SLC2A10: variants seen among roughly 807,000 people sequenced by gnomAD.
The protein encoded by SLC2A10 is solute carrier family 2, facilitated glucose transporter member 10.
A neutral mutation model predicts 32.1 loss-of-function variants in SLC2A10; 25 were observed. That is an observed-to-expected ratio of 0.78 (90% confidence interval 0.57 to 1.09). The LOEUF is 1.09. Ranked by LOEUF, SLC2A10 falls within the 50% of genes least tolerant of loss-of-function variation. SLC2A10 has a pLI of 0.00. For synonymous variants in SLC2A10, 332 were observed against 309.6 expected, an observed-to-expected ratio of 1.07 and a Z score of -0.76; for missense variants, 673 against 686.5, an observed-to-expected ratio of 0.98 and a Z score of 0.22.
intron 4 of SLC2A10, among the ~76,000 whole-genome samples, chr20:46,730,605 GAAC>G (rs775440810): frequency 2.0e-5 from 3 of 152,204 alleles, no homozygotes; most frequent in African/African-American, 4.8e-5. Flanking sequence ...CATGTGCAAG[GAAC>G]AACAAGGAAG....
At chr20:46,731,894 TC>T (rs1355861654) in intron 4 of SLC2A10, among the ~76,000 whole-genome samples, 3 of 152,186 alleles carry the variant, frequency 2.0e-5, no homozygotes, top group African/African-American at 7.2e-5. Flanking sequence ...AGAGCCATGG[TC>T]CCAGGAGAAA....
chr20:46,727,968 G>A (rs894606042), intron 3 of SLC2A10, among the ~76,000 whole-genome samples: 1 of 152,104 alleles, frequency 6.6e-6, no homozygotes, highest in African/African-American at 2.4e-5. Flanking sequence ...CCCCTATCAT[G>A]GCTGTCTTCC....
chr20:46,719,126 G>C (rs1270063526), intron 1 of SLC2A10, among the ~76,000 whole-genome samples: 1 of 151,992 alleles, frequency 6.6e-6, no homozygotes, highest in Non-Finnish European at 1.5e-5. Context: ...TGGGCGGAGG[G>C]GGGTGTTGTT....
intron 1 of SLC2A10, among the ~76,000 whole-genome samples, chr20:46,712,213 C>T (rs765544054): frequency 4.6e-5 from 7 of 152,154 alleles, no homozygotes; most frequent in East Asian, 1.9e-4. Flanking sequence ...ATTTGGAAGC[C>T]GGCCATCTGC....
intron 1 of SLC2A10, among the ~76,000 whole-genome samples, chr20:46,716,843 T>A (rs1979273041): frequency 6.6e-6 from 1 of 151,908 alleles, no homozygotes; most frequent in Admixed American, 6.6e-5. Context: ...GCCAACATGG[T>A]GAAACCCGGT....
intron 1 of SLC2A10, among the ~76,000 whole-genome samples, chr20:46,722,885 A>G (rs765829749): frequency 1.1e-4 from 17 of 152,252 alleles, no homozygotes; most frequent in Non-Finnish European, 1.9e-4. Flanking sequence ...CGTGTTCCTC[A>G]TTGATCTTAA....
At chr20:46,711,871 G>GA (rs1978933755) in intron 1 of SLC2A10, among the ~76,000 whole-genome samples, 1 of 152,180 alleles carries the variant, frequency 6.6e-6, no homozygotes, top group Admixed American at 6.5e-5. Context: ...AGAATGATGT[G>GA]AAAAAATGAA....
intron 1 of SLC2A10, chr20:46,714,479 CTG>C (rs1489335814): frequency 6.6e-6 from 1 of 152,432 alleles, no homozygotes; most frequent in Non-Finnish European, 1.5e-5. Context: ...ATGTGTATAC[CTG>C]GAGGCTCCTT....
intron 1 of SLC2A10, among the ~76,000 whole-genome samples, chr20:46,722,736 C>A (rs1218783894): frequency 6.6e-6 from 1 of 152,184 alleles, no homozygotes; most frequent in Non-Finnish European, 1.5e-5. Flanking sequence ...CATGAAATGG[C>A]AGTTACTCTT....
intron 1 of SLC2A10, among the ~76,000 whole-genome samples, chr20:46,714,269 T>TTCAC (rs1979095805): frequency 1.3e-5 from 2 of 152,122 alleles, no homozygotes; most frequent in Admixed American, 6.5e-5. Context: ...CTGGCCCAGG[T>TTCAC]TCACCCACGT....
rs1448875822 is a variant in SLC2A10, at chr20:46,733,798, C to G, written c.1590C>G (p.Ile530Met). The G allele has an allele frequency of 1.2e-6, 2 of 1,614,192 alleles. No individual in the cohort carries two copies. Among genetic ancestry groups the G allele is most frequent in the African/African-American group, 2.7e-5 (2 of 75,058 alleles). The part of the protein sequence containing the change: ...SFGHRQNSTG[I>M]PYSRIEISAA... ...GCCACAGGCAGAACTCCACTGGCAT[C>G]CCGTACAGCCGCATCGAGATCTCTG... Residue 530 changes from isoleucine to methionine, a missense_variant, in exon 5 of 5, where the codon ATC becomes ATG. Transcript: ENST00000359271.
At position 46,725,583 on chromosome 20, in the gene SLC2A10, C is replaced by T. The variant is rs1450552433; in HGVS notation, c.547C>T (p.Leu183Phe). ...APAVLQSLSL[L>F]FLPAGTDETA... ...TGCTGTCCTGCAATCCCTCAGCCTC[C>T]TCTTCCTCCCTGCTGGTACAGATGA... Residue 183 changes from leucine (L) to phenylalanine (F), a missense_variant, in exon 2 of 5, where the codon CTC becomes TTC. Transcript: ENST00000359271. 6.2e-7 allele frequency: 1 copy of T among 1,614,216 alleles called. No homozygotes were observed. Among genetic ancestry groups the T allele is most frequent in the East Asian group, 2.2e-5 (1 of 44,888 alleles).
chr20:46,733,074 G>A (rs989815517), intron 4 of SLC2A10, among the ~76,000 whole-genome samples: 1 of 152,158 alleles, frequency 6.6e-6, no homozygotes, highest in Admixed American at 6.5e-5. Context: ...CTTCTGAGCA[G>A]ATGTATTAGT....
chr20:46,712,406 G>A (rs904546344), intron 1 of SLC2A10, among the ~76,000 whole-genome samples: 21 of 152,054 alleles, frequency 1.4e-4, no homozygotes, highest in African/African-American at 5.1e-4. Context: ...TCCCAAACCA[G>A]GGTTCTCCCC....
upstream of SLC2A10, among the ~76,000 whole-genome samples, chr20:46,708,847 C>A (rs1331614835): frequency 6.6e-6 from 1 of 152,178 alleles, no homozygotes; most frequent in East Asian, 1.9e-4. Flanking sequence ...GTTTTTTGTA[C>A]CCCATAAGCT....
chr20:46,733,485 G>C (rs1047942162), intron 4 of SLC2A10, among the ~76,000 whole-genome samples: 1 of 152,196 alleles, frequency 6.6e-6, no homozygotes, highest in African/African-American at 2.4e-5. Flanking sequence ...TCAGTGGAGA[G>C]TGACAGATTT....
intron 4 of SLC2A10, among the ~76,000 whole-genome samples, chr20:46,732,294 CA>C (rs10624698): frequency 1.6e-3 from 250 of 152,004 alleles, no homozygotes; most frequent in African/African-American, 5.9e-3. Flanking sequence ...GGGGATATAA[CA>C]AAAAAAATTC....
intron 4 of SLC2A10, among the ~76,000 whole-genome samples, chr20:46,731,755 C>T (rs1209872295): frequency 6.6e-6 from 1 of 152,032 alleles, no homozygotes; most frequent in Non-Finnish European, 1.5e-5. Context: ...ATATCAGAGG[C>T]CACAGAGAGA....
chr20:46,718,326 T>C (rs926462947), intron 1 of SLC2A10, among the ~76,000 whole-genome samples: 1 of 152,254 alleles, frequency 6.6e-6, no homozygotes, highest in African/African-American at 2.4e-5. Context: ...TTTCTCCTTA[T>C]TTATGCTTAC....
Sources: gnomAD v4.1 joint callset for allele counts (sites outside exome capture counted in the v4.1 genomes callset) on GRCh38, gnomAD v4.1.1 for gene constraint, MANE v1.5 for transcripts, NCBI Gene and HGNC (gene_info 2026-07-23, HGNC 2026-07-21) for gene names.